Variants in OSBPL10 observed in about 807,000 individuals in gnomAD.
OSBPL10 encodes oxysterol binding protein like 10.
In OSBPL10, 49 loss-of-function variants were observed where a neutral mutation model predicts 81.7. The observed-to-expected ratio is 0.60, with a 90% CI of 0.48 to 0.76. The LOEUF (loss-of-function observed/expected upper bound fraction) is 0.76, where lower values mean the gene tolerates loss of function less well. OSBPL10 is among the 30% of genes least tolerant of loss of function. OSBPL10 has a pLI of 0.00. For missense variants in OSBPL10, 923 were observed against 987.8 expected (o/e 0.93, Z 0.88); for synonymous variants, 419 against 383.6 (o/e 1.09, Z -1.08).
chr3:31,792,984 C>A (rs1213594873), intron 4 of OSBPL10, among the ~76,000 whole-genome samples: 1 of 151,764 alleles, frequency 6.6e-6, no homozygotes, highest in African/African-American at 2.4e-5. Context: ...TGAGGATGCA[C>A]ATCATTTGGA....
In OSBPL10 at chr3:31,830,086, C is replaced by T. The variant is rs146089422; in HGVS notation, c.683G>A (p.Arg228Gln). The stretch of plus-strand genomic sequence containing the variant: ...GCCGGAATACTGACTCTTGGCTCTT[C>T]GGGCGGCTGCAGGCGACTTGTGATG... ...ITHHKSPAAA[R>Q]RAKSQYSGQL... Residue 228 changes from arginine to glutamine, a missense_variant, in exon 4 of 12, where the codon CGA becomes CAA. Around this residue, in one of 3 missense-constraint regions of OSBPL10, gnomAD observed 514 missense variants for 508.0 expected, o/e 1.01. Transcript: ENST00000396556. 8,623 of 1,614,002 alleles carry T rather than the reference C, an allele frequency of 5.3e-3. 43 individuals are homozygous for T. Among genetic ancestry groups the T allele is most frequent in the Non-Finnish European group, 5.4e-3 (6,409 of 1,179,994 alleles).
intron 2 of OSBPL10, among the ~76,000 whole-genome samples, chr3:31,996,329 A>G (rs558773451): frequency 2.6e-4 from 40 of 152,228 alleles, no homozygotes; most frequent in Admixed American, 1.5e-3. Context: ...ACAACCTGCT[A>G]GAGAGGACTT....
At chr3:31,697,824 G>T (rs555401989) in intron 7 of OSBPL10, among the ~76,000 whole-genome samples, 1 of 151,820 alleles carries the variant, frequency 6.6e-6, no homozygotes, top group African/African-American at 2.4e-5. Flanking sequence ...GTGCAATGGA[G>T]TGATCTCAGC....
At chr3:31,983,967 G>A (rs1255685318), upstream of OSBPL10, among the ~76,000 whole-genome samples, 1 of 152,180 alleles carries the variant, frequency 6.6e-6, no homozygotes, top group Non-Finnish European at 1.5e-5. Flanking sequence ...CCAAGCTGGA[G>A]CACAGGAGTG....
intron 3 of OSBPL10, among the ~76,000 whole-genome samples, chr3:31,845,824 G>C (rs1320839059): frequency 6.6e-6 from 1 of 152,160 alleles, no homozygotes; most frequent in Non-Finnish European, 1.5e-5. Flanking sequence ...TTACAGCAGG[G>C]CAGGCTCTTT....
chr3:32,033,511 T>C (rs1016491672), intron 2 of OSBPL10, among the ~76,000 whole-genome samples: 6 of 152,180 alleles, frequency 3.9e-5, no homozygotes, highest in Non-Finnish European at 8.8e-5. Context: ...AGCCAATAAA[T>C]GCTGTATTAG....
At chr3:31,737,006 C>T (rs1324712654) in intron 5 of OSBPL10, among the ~76,000 whole-genome samples, 2 of 152,204 alleles carry the variant, frequency 1.3e-5, no homozygotes, top group African/African-American at 4.8e-5. Context: ...CCCTCTATCC[C>T]ATCATTATCC....
chr3:31,811,121 G>C (rs956479143), intron 4 of OSBPL10, among the ~76,000 whole-genome samples: 3 of 151,480 alleles, frequency 2.0e-5, no homozygotes, highest in East Asian at 3.9e-4. Flanking sequence ...GCAGTATTCC[G>C]CTACTCCCCA....
intron 1 of OSBPL10, among the ~76,000 whole-genome samples, chr3:31,911,139 G>C (rs1276435177): frequency 1.3e-5 from 2 of 152,150 alleles, no homozygotes; most frequent in Non-Finnish European, 2.9e-5. Context: ...AGGGCCAGGG[G>C]TGCTCAGGGC....
intron 1 of OSBPL10, among the ~76,000 whole-genome samples, chr3:31,961,199 T>C (rs1428002819): frequency 6.6e-6 from 1 of 152,036 alleles, no homozygotes; most frequent in Non-Finnish European, 1.5e-5. Flanking sequence ...CAATCAAATA[T>C]GGAGCACCAC....
intron 2 of OSBPL10, among the ~76,000 whole-genome samples, chr3:32,038,976 T>G (rs56088836): frequency 6.6e-6 from 1 of 152,000 alleles, no homozygotes; most frequent in Non-Finnish European, 1.5e-5. Flanking sequence ...AAAAATTAAT[T>G]GAAAAACTAG....
chr3:32,047,068 C>T (rs1559554656), intron 1 of OSBPL10, among the ~76,000 whole-genome samples: 1 of 152,110 alleles, frequency 6.6e-6, no homozygotes, highest in African/African-American at 2.4e-5. Flanking sequence ...GGCACGATCT[C>T]GGCTCACTGC....
At chr3:31,762,630 A>ATTTTTTTTTTTCTT (rs1698081378) in intron 4 of OSBPL10, among the ~76,000 whole-genome samples, 1 of 61,514 alleles carries the variant, frequency 1.6e-5, no homozygotes, top group Non-Finnish European at 2.7e-5. Context: ...CATGCCCAGC[A>ATTTTTTTTTTTCTT]TTTTTTTTTT....
chr3:31,918,897 G>A (rs1318241580), intron 1 of OSBPL10, among the ~76,000 whole-genome samples: 1 of 152,228 alleles, frequency 6.6e-6, no homozygotes, highest in Non-Finnish European at 1.5e-5. Context: ...AAACACATAT[G>A]CAGGCCACAA....
At chr3:31,786,297 A>G (rs1698857237) in intron 4 of OSBPL10, among the ~76,000 whole-genome samples, 1 of 152,158 alleles carries the variant, frequency 6.6e-6, no homozygotes, top group African/African-American at 2.4e-5. Flanking sequence ...TATGAAGTCA[A>G]ATTTATACTT....
At chr3:31,788,551 T>C (rs1271639701) in intron 4 of OSBPL10, among the ~76,000 whole-genome samples, 1 of 152,164 alleles carries the variant, frequency 6.6e-6, no homozygotes, top group South Asian at 2.1e-4. Context: ...ATGCATACTA[T>C]ATTTAATCAG....
intron 6 of OSBPL10, among the ~76,000 whole-genome samples, chr3:31,703,185 T>A (rs1023012068): frequency 6.6e-6 from 1 of 152,228 alleles, no homozygotes; most frequent in African/African-American, 2.4e-5. Flanking sequence ...TCACATTACA[T>A]AGAAAACAGG....
intron 2 of OSBPL10, among the ~76,000 whole-genome samples, chr3:32,014,467 T>C (rs1699294010): frequency 6.6e-6 from 1 of 152,158 alleles, no homozygotes; most frequent in South Asian, 2.1e-4. Flanking sequence ...GAGCTATCTA[T>C]GACAAACCCA....
intron 4 of OSBPL10, among the ~76,000 whole-genome samples, chr3:31,762,005 C>G (rs1425753276): frequency 6.6e-6 from 1 of 151,950 alleles, no homozygotes; most frequent in Non-Finnish European, 1.5e-5. Flanking sequence ...ACCCAGAAAG[C>G]AATAGGAGAA....
Sources: allele counts gnomAD v4.1 joint callset (sites outside exome capture counted in the v4.1 genomes callset), GRCh38; gene constraint gnomAD v4.1.1; regional missense constraint gnomAD v4.1.1; transcripts MANE v1.5; gene names NCBI Gene and HGNC (gene_info 2026-07-23, HGNC 2026-07-21).